The following COL23A1 variants were observed in gnomAD, a reference collection of about 807,000 sequenced individuals.
COL23A1 encodes the protein collagen type XXIII alpha 1 chain, also known as collagen alpha-1(XXIII) chain.
A neutral mutation model predicts 99.3 loss-of-function variants in COL23A1; 97 were observed. The ratio of observed to expected loss-of-function variants is 0.98; its 90% CI spans 0.83 to 1.16. The LOEUF is 1.16. COL23A1 is among the 50% of genes most tolerant of loss of function. The probability of loss-of-function intolerance (pLI) is 0.00; values close to 1 mark genes in which losing one functional copy is unlikely to be tolerated. For missense variants in COL23A1, 762 were observed against 757.4 expected (o/e 1.01, Z -0.07); for synonymous variants, 320 against 308.2 (o/e 1.04, Z -0.40).
chr5:178,407,344 T>C (rs1001218768), intron 2 of COL23A1, among the ~76,000 whole-genome samples: 4 of 152,238 alleles, frequency 2.6e-5, no homozygotes, highest in Admixed American at 2.0e-4. Flanking sequence ...ATCATCAGCA[T>C]GGTGTCGGAG....
chr5:178,295,596 C>G (rs1435833406), intron 3 of COL23A1, among the ~76,000 whole-genome samples: 1 of 152,214 alleles, frequency 6.6e-6, no homozygotes, highest in Non-Finnish European at 1.5e-5. Context: ...AATGTATGTG[C>G]CAATTGCCAC....
intron 25 of COL23A1, among the ~76,000 whole-genome samples, chr5:178,242,973 G>A (rs1764487926): frequency 1.3e-5 from 2 of 152,136 alleles, no homozygotes; most frequent in African/African-American, 4.8e-5. Flanking sequence ...GAGGTGGGCA[G>A]ATCACCTGAG....
At chr5:178,456,321 G>A (rs1450061371) in intron 2 of COL23A1, among the ~76,000 whole-genome samples, 1 of 152,140 alleles carries the variant, frequency 6.6e-6, no homozygotes, top group East Asian at 1.9e-4. Context: ...AATAAATGAA[G>A]CTTTATATTA....
intron 17 of COL23A1, among the ~76,000 whole-genome samples, chr5:178,252,245 G>A (rs1486719782): frequency 6.6e-6 from 1 of 152,170 alleles, no homozygotes; most frequent in African/African-American, 2.4e-5. Flanking sequence ...ATTCACTTAG[G>A]ATAATGGCCT....
At chr5:178,408,846 T>C (rs1764894402) in intron 2 of COL23A1, among the ~76,000 whole-genome samples, 1 of 151,148 alleles carries the variant, frequency 6.6e-6, no homozygotes, top group Non-Finnish European at 1.5e-5. Context: ...TCCCAGATAC[T>C]TGGGAGGTTG....
intron 2 of COL23A1, among the ~76,000 whole-genome samples, chr5:178,531,997 C>G (rs10043739): frequency 0.021 from 3,173 of 152,308 alleles, 98 homozygotes; most frequent in African/African-American, 0.071. Flanking sequence ...CAGCTGACAA[C>G]CAGATGCAGG....
rs189258132 is a variant in COL23A1, at chr5:178,532,078, C to T, written c.361+28604G>A. ...AGGCTGGCTGGGGTGTGCCATCTGC[C>T]GACGTGGGCAGAGCTCACTCGGAGA... On this transcript the variant is annotated intron_variant, in intron 2 of 28. Coordinates refer to ENST00000390654, the MANE Select transcript of COL23A1 (RefSeq NM_173465.4). Among the ~76,000 whole-genome samples the T allele has an allele frequency of 1.3e-3, 204 of 152,262 alleles. No individual in the cohort carries two copies. The Middle Eastern group carries it at 0.02, about 15-fold the overall frequency.
intron 2 of COL23A1, among the ~76,000 whole-genome samples, chr5:178,405,407 T>C (rs1764708809): frequency 6.6e-6 from 1 of 152,398 alleles, no homozygotes; most frequent in African/African-American, 2.4e-5. Context: ...CCAATAGTTT[T>C]AGGAGATTGT....
intron 2 of COL23A1, among the ~76,000 whole-genome samples, chr5:178,373,169 T>C (rs995581571): frequency 1.3e-5 from 2 of 152,082 alleles, no homozygotes; most frequent in Admixed American, 6.5e-5. Context: ...CTGACATGGG[T>C]TTGACTGCCA....
At chr5:178,242,515 A>G (rs1199634223) in intron 25 of COL23A1, 121 bp from the exon 26 acceptor site, 1 of 960,812 alleles carries the variant, frequency 1.0e-6, no homozygotes, top group East Asian at 2.6e-5. Flanking sequence ...TATTCGTGGC[A>G]CACGCTGGCC....
In COL23A1 at chr5:178,355,395, G is replaced by A. The variant is rs58163485; in HGVS notation, c.362-48476C>T. On this transcript the variant is annotated intron_variant, in intron 2 of 28. Transcript: ENST00000390654. Reference sequence around the variant, plus strand: ...TCCCCCATGGATATTAAGGCACAACGCTATACAGATATGGAAACATTAAGT... The same window carrying A: ...TCCCCCATGGATATTAAGGCACAACACTATACAGATATGGAAACATTAAGT... 2.6e-3 allele frequency among the ~76,000 whole-genome samples: 397 copies of A among 152,296 alleles called. 1 individual carries two copies. The highest frequency in any genetic ancestry group is 7.6e-3 in the African/African-American group (316 of 41,566).
chr5:178,552,862 T>C (rs1004895674), intron 2 of COL23A1, among the ~76,000 whole-genome samples: 31 of 151,880 alleles, frequency 2.0e-4, no homozygotes, highest in South Asian at 6.3e-4. Flanking sequence ...TACAGGCGCG[T>C]GCCACCACAC....
chr5:178,315,041 C>T (rs1328301344), intron 2 of COL23A1, among the ~76,000 whole-genome samples: 1 of 152,206 alleles, frequency 6.6e-6, no homozygotes, highest in East Asian at 1.9e-4. Context: ...GTGTGATCGG[C>T]AGCCCTGGAG....
At chr5:178,408,115 C>T (rs1764857431) in intron 2 of COL23A1, among the ~76,000 whole-genome samples, 1 of 152,090 alleles carries the variant, frequency 6.6e-6, no homozygotes, top group Admixed American at 6.5e-5. Context: ...TGGAGAAAAG[C>T]AATTAAAGTG....
chr5:178,367,973 C>T (rs1364960384), intron 2 of COL23A1, among the ~76,000 whole-genome samples: 1 of 152,208 alleles, frequency 6.6e-6, no homozygotes, highest in Admixed American at 6.5e-5. Context: ...GAGAGCTGCT[C>T]TAAGGGAGAC....
At chr5:178,259,419 C>T (rs1334022631) in intron 12 of COL23A1, among the ~76,000 whole-genome samples, 1 of 152,208 alleles carries the variant, frequency 6.6e-6, no homozygotes, top group African/African-American at 2.4e-5. Context: ...CAGGACCACA[C>T]TTTGAGAACT....
chr5:178,495,693 G>A (rs953504005), intron 2 of COL23A1, among the ~76,000 whole-genome samples: 10 of 152,016 alleles, frequency 6.6e-5, no homozygotes, highest in Admixed American at 5.2e-4. Flanking sequence ...GAGAGGGCAC[G>A]GGGACCAAGA....
At chr5:178,466,031 C>T (rs1201470943) in intron 2 of COL23A1, among the ~76,000 whole-genome samples, 1 of 152,210 alleles carries the variant, frequency 6.6e-6, no homozygotes, top group African/African-American at 2.4e-5. Flanking sequence ...CCCTCTGCGC[C>T]ACCTCTTTCC....
intron 2 of COL23A1, among the ~76,000 whole-genome samples, chr5:178,485,931 G>T (rs1757604494): frequency 6.6e-6 from 1 of 152,178 alleles, no homozygotes; most frequent in Admixed American, 6.5e-5. Flanking sequence ...TGGTGGGAGG[G>T]GTGCCGGGGT....
Sources: allele counts gnomAD v4.1 joint callset (sites outside exome capture counted in the v4.1 genomes callset), GRCh38; gene constraint gnomAD v4.1.1; transcripts MANE v1.5; gene names NCBI Gene and HGNC (gene_info 2026-07-23, HGNC 2026-07-21).